The following MMS22L variants were observed in gnomAD, a reference collection of about 807,000 sequenced individuals.
MMS22L encodes MMS22 like, DNA repair protein.
Under a neutral mutation model 159.1 loss-of-function variants are expected in MMS22L, and 74 were observed. The observed-to-expected ratio is 0.47, with a 90% CI of 0.39 to 0.56. The LOEUF is 0.56. Among genes scored for constraint, MMS22L ranks in the 20% least tolerant of loss-of-function variants. The pLI, the probability that MMS22L is intolerant of heterozygous loss-of-function variation, is 0.00. For synonymous variants in MMS22L, 517 were observed against 506.9 expected (o/e 1.02, Z -0.27); for missense variants, 1,351 against 1,422.1 (o/e 0.95, Z 0.80).
chr6:97,277,372 C>T (rs1816336942), intron 4 of MMS22L, among the ~76,000 whole-genome samples: 1 of 152,070 alleles, frequency 6.6e-6, no homozygotes, highest in Non-Finnish European at 1.5e-5. Flanking sequence ...CAAAATCATG[C>T]CACTGCACTC....
chr6:97,247,725 AAAAAG>A (rs1485041186), intron 10 of MMS22L, among the ~76,000 whole-genome samples: 2 of 152,174 alleles, frequency 1.3e-5, no homozygotes, highest in African/African-American at 2.4e-5. Flanking sequence ...CTCAGAAAAA[AAAAAG>A]AAAAGTAATC....
chr6:97,215,093 T>TAA (rs1808846079), intron 14 of MMS22L, among the ~76,000 whole-genome samples: 1 of 134,678 alleles, frequency 7.4e-6, no homozygotes, highest in African/African-American at 2.9e-5. Context: ...ATGTTTTAAA[T>TAA]ATATATATAT....
intron 16 of MMS22L, among the ~76,000 whole-genome samples, chr6:97,181,223 G>C (rs1409776178): frequency 6.6e-6 from 1 of 152,058 alleles, no homozygotes; most frequent in Non-Finnish European, 1.5e-5. Flanking sequence ...TCTACAAGCA[G>C]TTGTTACTAA....
chr6:97,196,162 T>C (rs1242661892), intron 14 of MMS22L, among the ~76,000 whole-genome samples: 1 of 152,188 alleles, frequency 6.6e-6, no homozygotes, highest in East Asian at 1.9e-4. Flanking sequence ...CATGAGCCAT[T>C]GTACTAGATG....
intron 9 of MMS22L, chr6:97,262,088 A>G (rs1213482280): frequency 6.6e-6 from 1 of 152,164 alleles, no homozygotes; most frequent in Non-Finnish European, 1.5e-5. Flanking sequence ...CATCTTTCTG[A>G]GTGCCCAGTT....
chr6:97,250,319 C>A (rs1813113106), intron 10 of MMS22L, among the ~76,000 whole-genome samples: 1 of 152,172 alleles, frequency 6.6e-6, no homozygotes, highest in African/African-American at 2.4e-5. Flanking sequence ...CCACTTCCAG[C>A]AGACTAGGTA....
chr6:97,234,091 G>A, intron 11 of MMS22L, 111 bp from the exon 12 acceptor site: 1 of 1,198,046 alleles, frequency 8.3e-7, no homozygotes, highest in Non-Finnish European at 1.1e-6. Flanking sequence ...ATAAATATGT[G>A]TCACCCAATC....
At chr6:97,272,200 T>C (rs1815816186) in intron 6 of MMS22L, 1 of 152,158 alleles carries the variant, frequency 6.6e-6, no homozygotes, top group East Asian at 1.9e-4. Flanking sequence ...GGAATGATTA[T>C]CACAGGTAGG....
chr6:97,165,046 G>A (rs1802824257), intron 21 of MMS22L, among the ~76,000 whole-genome samples, 200 bp downstream of exon 21: 1 of 152,022 alleles, frequency 6.6e-6, no homozygotes, highest in Admixed American at 6.6e-5. Flanking sequence ...GAAAAGAGAA[G>A]GAATTTAAAG....
At chr6:97,158,730 A>C (rs147373596) in intron 22 of MMS22L, among the ~76,000 whole-genome samples, 3,953 of 152,228 alleles carry the variant, frequency 0.026, 69 homozygotes, top group Middle Eastern at 0.065. Flanking sequence ...TTTACTTCCA[A>C]TTATGTGGTC....
Position 97,202,990 on chromosome 6 carries a change from C to CA in MMS22L, c.2040-16301dup, listed in dbSNP as rs932854461. ...TTTTTATGCATTTTGTTTGCCACAT[C>CA]AAAAAAAATAATTGCTTTGTACAAA... On this transcript the variant is annotated intron_variant, in intron 14 of 24. Coordinates refer to ENST00000683635, the MANE Select transcript of MMS22L (RefSeq NM_001350599.2). Among the ~76,000 whole-genome samples the CA allele has an allele frequency of 3.0e-4, 46 of 151,664 alleles. No individual in the cohort carries two copies. The South Asian group carries it at 8.9e-3, about 29-fold the overall frequency.
chr6:97,247,784 G>A (rs2128043388), intron 10 of MMS22L, among the ~76,000 whole-genome samples: 1 of 152,138 alleles, frequency 6.6e-6, no homozygotes, highest in Non-Finnish European at 1.5e-5. Context: ...AAAAGTAAAA[G>A]AAAGACCTTC....
chr6:97,259,911 A>C (rs541492460), intron 9 of MMS22L: 1 of 152,284 alleles, frequency 6.6e-6, no homozygotes, highest in South Asian at 2.1e-4. Context: ...ACACATTTAG[A>C]GTAAATTCCT....
At chr6:97,262,696 C>T (rs556919450) in intron 9 of MMS22L, among the ~76,000 whole-genome samples, 36 of 151,542 alleles carry the variant, frequency 2.4e-4, no homozygotes, top group African/African-American at 8.2e-4. Context: ...ACCCAAACCC[C>T]AAATTACAGA....
chr6:97,206,568 T>C (rs1227205736), intron 14 of MMS22L, among the ~76,000 whole-genome samples: 1 of 152,158 alleles, frequency 6.6e-6, no homozygotes, highest in Non-Finnish European at 1.5e-5. Context: ...ACAAAGAAAT[T>C]CAATGGTGTT....
intron 14 of MMS22L, among the ~76,000 whole-genome samples, chr6:97,189,275 A>G (rs1805594564): frequency 6.6e-6 from 1 of 151,196 alleles, no homozygotes; most frequent in African/African-American, 2.4e-5. Context: ...AAAAAAAAAA[A>G]AAAGCCGAGT....
chr6:97,151,921 C>T, intron 22 of MMS22L, 54 bp from the exon 23 acceptor site: 1 of 1,362,728 alleles, frequency 7.3e-7, no homozygotes, highest in Non-Finnish European at 1.0e-6. Flanking sequence ...CCATCTGGAT[C>T]CTCATTTTTA....
chr6:97,281,323 T>C lies in MMS22L; in HGVS notation c.204A>G (p.Glu68=). 1 of 1,609,012 alleles carries C rather than the reference T, an allele frequency of 6.2e-7. No individual in the cohort carries two copies. Among genetic ancestry groups the C allele is most frequent in the Non-Finnish European group, 8.5e-7 (1 of 1,178,034 alleles). The part of the protein sequence containing the change: ...LNLDPLPTNF[E]EDTLEIFGIQ... ...TGCCAAATATTTCCAAGGTATCTTCTTCAAAATTAGTTGGTAAAGGGTCAA... is the reference window on the plus strand; with the variant it reads ...TGCCAAATATTTCCAAGGTATCTTCCTCAAAATTAGTTGGTAAAGGGTCAA... Residue 68 remains glutamate (E), a synonymous_variant, in exon 3 of 25, where the codon GAA becomes GAG. Coordinates refer to ENST00000683635, the MANE Select transcript of MMS22L (RefSeq NM_001350599.2).
chr6:97,234,414 A>C (rs13193296), intron 11 of MMS22L, among the ~76,000 whole-genome samples: 2,362 of 152,252 alleles, frequency 0.016, 32 homozygotes, highest in Non-Finnish European at 0.023. Context: ...TCTTTCTAAA[A>C]CCAAAGGATT....
Sources: allele counts gnomAD v4.1 joint callset (sites outside exome capture counted in the v4.1 genomes callset), GRCh38; gene constraint gnomAD v4.1.1; transcripts MANE v1.5; gene names NCBI Gene and HGNC (gene_info 2026-07-23, HGNC 2026-07-21).